Variants in SEMA3D observed in about 807,000 individuals in gnomAD.
SEMA3D encodes semaphorin-3D.
SEMA3D carries 84 observed loss-of-function variants against 100.1 expected under a neutral mutation model. The observed-to-expected ratio is 0.84, with a 90% confidence interval of 0.70 to 1.01. The LOEUF is 1.01. Ranked by LOEUF, SEMA3D falls within the 50% of genes least tolerant of loss-of-function variation. The pLI is 0.00. For synonymous variants in SEMA3D, 312 were observed against 320.7 expected, an observed-to-expected ratio of 0.97 and a Z score of 0.29; for missense variants, 875 against 934.1, an observed-to-expected ratio of 0.94 and a Z score of 0.82.
intron 2 of SEMA3D, among the ~76,000 whole-genome samples, chr7:85,151,973 T>C (rs895886628): frequency 2.6e-5 from 4 of 152,084 alleles, no homozygotes; most frequent in Admixed American, 6.6e-5. Flanking sequence ...TAGTTCATTA[T>C]CTTATAGCTT....
At chr7:85,112,068 A>C (rs1425071134) in intron 3 of SEMA3D, among the ~76,000 whole-genome samples, 4 of 152,208 alleles carry the variant, frequency 2.6e-5, no homozygotes, top group African/African-American at 9.6e-5. Context: ...GTCACTTTCC[A>C]TCTTGCTAAA....
intron 2 of SEMA3D, 141 bp from the exon 3 acceptor site, chr7:85,122,072 T>C: frequency 4.0e-6 from 2 of 504,970 alleles, no homozygotes; most frequent in South Asian, 3.3e-5. Context: ...GAACATAGCA[T>C]ACCAGGGCCT....
chr7:85,013,554 T>C (rs1178489799), intron 16 of SEMA3D, among the ~76,000 whole-genome samples: 2 of 151,756 alleles, frequency 1.3e-5, no homozygotes, highest in Admixed American at 6.6e-5. Context: ...CTTACACTCT[T>C]ACAGCATACT....
In SEMA3D at chr7:85,077,584, G is replaced by A. The variant is rs373389853; in HGVS notation, c.375+3933C>T. Among the ~76,000 whole-genome samples the A allele has an allele frequency of 6.4e-4, 97 of 152,112 alleles. 1 individual carries two copies. The East Asian group carries it at 0.013, about 20-fold the overall frequency. On this transcript the variant is annotated intron_variant, in intron 5 of 18. Coordinates refer to ENST00000284136, the MANE Select transcript of SEMA3D (RefSeq NM_001384900.1). Reference sequence around the variant, plus strand: ...TCATATAAGATGTTTAGTGTTGAGAGTAATGAAAAAATTTCAAGCTAAAAC... The same window carrying A: ...TCATATAAGATGTTTAGTGTTGAGAATAATGAAAAAATTTCAAGCTAAAAC...
the SEMA3D span, among the ~76,000 whole-genome samples, chr7:85,236,280 ATTTT>A: frequency 3.9e-5 from 5 of 127,020 alleles, no homozygotes; most frequent in Non-Finnish European, 6.4e-5. Flanking sequence ...ATTTTATTTT[ATTTT>A]ATTTATTTAT....
chr7:85,138,859 C>T (rs755626308), intron 2 of SEMA3D, among the ~76,000 whole-genome samples: 1 of 151,380 alleles, frequency 6.6e-6, no homozygotes, highest in Non-Finnish European at 1.5e-5. Context: ...CCCCCCTGTC[C>T]ATATGTTCTC....
intron 12 of SEMA3D, among the ~76,000 whole-genome samples, chr7:85,035,944 A>G (rs975655055): frequency 6.6e-6 from 1 of 152,084 alleles, no homozygotes; most frequent in Non-Finnish European, 1.5e-5. Flanking sequence ...ATTAAGTTAT[A>G]TAGCAGGAAG....
intron 2 of SEMA3D, chr7:85,141,475 G>A: frequency 1.0e-6 from 1 of 984,960 alleles, no homozygotes; most frequent in Non-Finnish European, 1.2e-6. Context: ...TCCACTGGAA[G>A]AAGGACATGA....
At position 85,049,090 on chromosome 7, in the gene SEMA3D, C is replaced by G. The variant is rs368409937; in HGVS notation, c.861+6627G>C. On this transcript the variant is annotated intron_variant, in intron 9 of 18. Coordinates refer to ENST00000284136, the MANE Select transcript of SEMA3D (RefSeq NM_001384900.1). ...CATATAATAACATAGAGTCCTTTAC[C>G]TCACCTACTAATAATCTTGAAATAC... 1.1e-3 allele frequency among the ~76,000 whole-genome samples: 166 copies of G among 151,480 alleles called. 1 individual carries two copies. Among genetic ancestry groups the G allele is most frequent in the African/African-American group, 3.9e-3 (161 of 41,360 alleles).
chr7:85,142,444 A>G (rs1431458222), intron 2 of SEMA3D: 10 of 954,486 alleles, frequency 1.0e-5, no homozygotes, highest in African/African-American at 1.8e-5. Flanking sequence ...TAATTTATTT[A>G]TAAAAGACAC....
the SEMA3D span, among the ~76,000 whole-genome samples, chr7:85,193,573 C>T: frequency 6.6e-6 from 1 of 152,136 alleles, no homozygotes; most frequent in African/African-American, 2.4e-5. Context: ...CAAAGCCAGC[C>T]TGCTTTAGCC....
intron 15 of SEMA3D, among the ~76,000 whole-genome samples, chr7:85,016,250 C>CTTTTTTTTTTTTTTTTTTTTT (rs59812080): frequency 1.6e-5 from 2 of 128,772 alleles, no homozygotes; most frequent in African/African-American, 2.8e-5. Flanking sequence ...TTTGTGATTC[C>CTTTTTTTTTTTTTTTTTTTTT]TTTTTTTTTT....
At chr7:85,036,866 T>A (rs377736049) in intron 12 of SEMA3D, 23 bp downstream of exon 12, 1 of 1,562,796 alleles carries the variant, frequency 6.4e-7, no homozygotes, top group African/African-American at 1.4e-5. Context: ...GAAAATAATT[T>A]GATTATTAAG....
the SEMA3D span, among the ~76,000 whole-genome samples, chr7:85,214,304 T>A: frequency 2.0e-5 from 3 of 152,134 alleles, no homozygotes; most frequent in African/African-American, 7.2e-5. Flanking sequence ...TTGGAAAATA[T>A]GCTTTAGTTG....
rs1398436104 is a variant in SEMA3D, at chr7:85,006,789, G to T, written c.1908+13C>A. 1.3e-6 allele frequency: 2 copies of T among 1,566,090 alleles called. No individual in the cohort carries two copies. Among genetic ancestry groups the T allele is most frequent in the Admixed American group, 1.8e-5 (1 of 55,372 alleles). On this transcript the variant is annotated intron_variant, in intron 18 of 18. Transcript: ENST00000284136. ...TCCCTCAAAGTGAGTATTCTTTGAT[G>T]ACAACAGCTTACCTCCTCTCGATGC...
chr7:85,170,662 A>C (rs566186825), intron 1 of SEMA3D, among the ~76,000 whole-genome samples: 51 of 152,114 alleles, frequency 3.4e-4, no homozygotes, highest in Non-Finnish European at 6.5e-4. Flanking sequence ...CCATTGCAAT[A>C]GTCTAGCCCA....
At chr7:85,049,331 T>G (rs915852297) in intron 9 of SEMA3D, among the ~76,000 whole-genome samples, 3 of 151,524 alleles carry the variant, frequency 2.0e-5, no homozygotes, top group Non-Finnish European at 1.5e-5. Flanking sequence ...ACTAAGCAAA[T>G]AGAAGTGGAG....
the SEMA3D span, among the ~76,000 whole-genome samples, chr7:85,210,609 T>A: frequency 6.6e-6 from 1 of 151,914 alleles, no homozygotes; most frequent in Non-Finnish European, 1.5e-5. Flanking sequence ...ACTTAAGACA[T>A]CTACAATAGA....
chr7:85,028,724 G>T (rs751676192), intron 12 of SEMA3D: 11 of 194,454 alleles, frequency 5.7e-5, no homozygotes, highest in Non-Finnish European at 8.4e-5. Flanking sequence ...CATTAATTGT[G>T]CCCAATTTGG....
Sources: allele counts gnomAD v4.1 joint callset (sites outside exome capture counted in the v4.1 genomes callset), GRCh38; gene constraint gnomAD v4.1.1; transcripts MANE v1.5; gene names NCBI Gene and HGNC (gene_info 2026-07-23, HGNC 2026-07-21).